Variants in HSD17B13 observed in about 807,000 individuals in gnomAD.
HSD17B13 encodes the protein 17-beta-hydroxysteroid dehydrogenase 13.
Under a neutral mutation model 31.1 loss-of-function variants are expected in HSD17B13, and 26 were observed. The ratio of observed to expected loss-of-function variants is 0.84; its 90% CI spans 0.61 to 1.16. HSD17B13 has a LOEUF of 1.16. Among genes scored for constraint, HSD17B13 ranks in the 50% most tolerant of loss-of-function variants. HSD17B13 has a pLI of 0.00. For missense variants in HSD17B13, 374 were observed against 366.5 expected (o/e 1.02, Z -0.17); for synonymous variants, 141 against 133.7 (o/e 1.05, Z -0.38).
At chr4:87,312,192 T>TTGTCTAAGAAAACAATC (rs1275432493) in intron 5 of HSD17B13, among the ~76,000 whole-genome samples, 1 of 152,156 alleles carries the variant, frequency 6.6e-6, no homozygotes, top group Non-Finnish European at 1.5e-5. Flanking sequence ...GCCCAATTCC[T>TTGTCTAAGAAAACAATC]TGTCTAAGAA....
At chr4:87,312,475 T>C (rs1297233033) in intron 5 of HSD17B13, among the ~76,000 whole-genome samples, 1 of 151,430 alleles carries the variant, frequency 6.6e-6, no homozygotes, top group African/African-American at 2.4e-5. Context: ...CCTCCGACTG[T>C]AGTCTTCAGT....
intron 6 of HSD17B13, among the ~76,000 whole-genome samples, chr4:87,309,361 G>A (rs2110098233): frequency 8.5e-6 from 1 of 118,022 alleles, no homozygotes; most frequent in Admixed American, 1.0e-4. Flanking sequence ...TCCAGCCTGG[G>A]CAACAAGGGT....
chr4:87,309,708 CT>C (rs1441807949), intron 6 of HSD17B13, among the ~76,000 whole-genome samples: 1 of 152,096 alleles, frequency 6.6e-6, no homozygotes, highest in Non-Finnish European at 1.5e-5. Flanking sequence ...TTAGAATAGT[CT>C]TCAGCAAAGT....
intron 6 of HSD17B13, among the ~76,000 whole-genome samples, chr4:87,306,217 C>T (rs1292590006): frequency 6.6e-6 from 1 of 152,158 alleles, no homozygotes; most frequent in African/African-American, 2.4e-5. Context: ...ACATACCACT[C>T]TTCTCACTCT....
At chr4:87,306,591 A>G (rs1220529439) in intron 6 of HSD17B13, among the ~76,000 whole-genome samples, 1 of 152,156 alleles carries the variant, frequency 6.6e-6, no homozygotes, top group Non-Finnish European at 1.5e-5. Flanking sequence ...CCAGGAATGC[A>G]TAAGAGATGA....
At chr4:87,317,520 A>G (rs1204025811) in intron 2 of HSD17B13, among the ~76,000 whole-genome samples, 1 of 105,686 alleles carries the variant, frequency 9.5e-6, no homozygotes, top group East Asian at 2.8e-4. Context: ...CTGACCAAAT[A>G]TTTTTAAAGT....
chr4:87,321,537 C>A (rs980431309), intron 1 of HSD17B13, among the ~76,000 whole-genome samples: 1 of 152,110 alleles, frequency 6.6e-6, no homozygotes, highest in African/African-American at 2.4e-5. Flanking sequence ...CAGCAGGCAA[C>A]AATTTTCTCT....
chr4:87,308,286 G>A (rs963546185), intron 6 of HSD17B13, among the ~76,000 whole-genome samples: 1 of 151,960 alleles, frequency 6.6e-6, no homozygotes, highest in African/African-American at 2.4e-5. Flanking sequence ...GGCCAAGGCA[G>A]GAGGACTGCT....
At chr4:87,318,840 A>G (rs1734719173) in intron 1 of HSD17B13, among the ~76,000 whole-genome samples, 1 of 151,784 alleles carries the variant, frequency 6.6e-6, no homozygotes, top group South Asian at 2.1e-4. Flanking sequence ...TCCAAAATGA[A>G]CAATTAACAT....
intron 4 of HSD17B13, among the ~76,000 whole-genome samples, chr4:87,314,647 A>T (rs951312077): frequency 7.9e-5 from 12 of 150,968 alleles, no homozygotes; most frequent in African/African-American, 2.0e-4. Context: ...TCTCTCACAC[A>T]CACACACACA....
intron 1 of HSD17B13, among the ~76,000 whole-genome samples, chr4:87,321,675 TGTA>T (rs1694383970): frequency 6.6e-6 from 1 of 152,128 alleles, no homozygotes; most frequent in Admixed American, 6.5e-5. Flanking sequence ...TAAATAAAAA[TGTA>T]GTAGCTTTTT....
At position 87,310,302 on chromosome 4, in the gene HSD17B13, A is replaced by G; in HGVS notation, c.753T>C (p.Leu251=). 1 of 1,581,212 alleles carries G rather than the reference A, an allele frequency of 6.3e-7. No individual in the cohort carries two copies. The highest frequency in any genetic ancestry group is 8.6e-7 in the Non-Finnish European group (1 of 1,167,828). ...GAACAAAAATCATTTTCTTATTGGT[A>G]AGTATTCCATCTATCAGACTTCTTA... ...EVVRSLIDGI[L]TNKKMIFVPS... The change falls in exon 6 of 7, where the codon CTT becomes CTC. Residue 251 remains leucine, a synonymous_variant. Coordinates refer to ENST00000328546, the MANE Select transcript of HSD17B13 (RefSeq NM_178135.5).
intron 4 of HSD17B13, 54 bp from the exon 5 acceptor site, chr4:87,314,014 A>G: frequency 7.2e-7 from 1 of 1,384,272 alleles, no homozygotes; most frequent in East Asian, 2.7e-5. Context: ...ACCAATCCTC[A>G]GCTTTCTGTG....
Position 87,315,522 on chromosome 4 carries a change from G to C in HSD17B13, c.528C>G (p.His176Gln), listed in dbSNP as rs759682197. 3 of 1,610,560 alleles carry C rather than the reference G, an allele frequency of 1.9e-6. No individual in the cohort carries two copies. The highest frequency in any genetic ancestry group is 2.2e-5 in the East Asian group (1 of 44,822). The change falls in exon 4 of 7, where the codon CAC becomes CAG. Residue 176 changes from histidine (H) to glutamine (Q), a missense_variant. Coordinates refer to ENST00000328546, the MANE Select transcript of HSD17B13 (RefSeq NM_178135.5). ...HIVTVASVCGHEGIPYLIPYC... is the reference protein window; with the variant it reads ...HIVTVASVCGQEGIPYLIPYC... ...ATGGGATGAGGTAAGGAATCCCTTC[G>C]TGGCCGCACACTGAAGCCACTGTGA...
At chr4:87,314,641 T>TCACACA (rs1553956168) in intron 4 of HSD17B13, among the ~76,000 whole-genome samples, 27 of 142,252 alleles carry the variant, frequency 1.9e-4, no homozygotes, top group African/African-American at 4.3e-4. Flanking sequence ...TCTCTCTCTC[T>TCACACA]CACACACACA....
intron 6 of HSD17B13, among the ~76,000 whole-genome samples, chr4:87,306,921 A>C (rs1215991888): frequency 6.6e-6 from 1 of 151,088 alleles, no homozygotes; most frequent in Non-Finnish European, 1.5e-5. Context: ...AAAAAAAAAA[A>C]AAAAAAAAAA....
intron 3 of HSD17B13, among the ~76,000 whole-genome samples, chr4:87,315,815 G>A (rs1047883532): frequency 1.3e-5 from 2 of 152,026 alleles, no homozygotes; most frequent in South Asian, 4.1e-4. Flanking sequence ...ACTAATCTCA[G>A]TACTCCCCCT....
At chr4:87,313,059 C>G (rs1578439615) in intron 5 of HSD17B13, among the ~76,000 whole-genome samples, 1 of 146,890 alleles carries the variant, frequency 6.8e-6, no homozygotes, top group African/African-American at 2.5e-5. Flanking sequence ...GACTCTGTCT[C>G]AAAAAAAACA....
At chr4:87,309,506 G>T (rs1734479192) in intron 6 of HSD17B13, among the ~76,000 whole-genome samples, 1 of 150,620 alleles carries the variant, frequency 6.6e-6, no homozygotes, top group African/African-American at 2.4e-5. Flanking sequence ...TAAAGATTTT[G>T]AAGAAGATTT....
Sources: allele counts gnomAD v4.1 joint callset (sites outside exome capture counted in the v4.1 genomes callset), GRCh38; gene constraint gnomAD v4.1.1; transcripts MANE v1.5; gene names NCBI Gene and HGNC (gene_info 2026-07-23, HGNC 2026-07-21).